Variants in WASF3 observed in about 807,000 individuals in gnomAD.
WASF3 encodes the protein actin-binding protein WASF3.
In WASF3, 11 loss-of-function variants were observed where a neutral mutation model predicts 46.6. The observed-to-expected ratio is 0.24, with a 90% CI of 0.15 to 0.39. WASF3 has a LOEUF of 0.39. Ranked by LOEUF, WASF3 falls within the 10% of genes least tolerant of loss-of-function variation. WASF3 has a pLI of 1.00. For synonymous variants in WASF3, 242 were observed against 259.7 expected, an observed-to-expected ratio of 0.93 and a Z score of 0.65; for missense variants, 576 against 669.8, an observed-to-expected ratio of 0.86 and a Z score of 1.55.
rs543548997 is a variant in WASF3, at chr13:26,583,059, GGGTCTTAGT to G, written c.-109+25243_-109+25251del. Reference sequence around the variant, plus strand: ...TGCTAAAGTGGTAATTTGAAGCCTAGGGTCTTAGTGGAAAGATAGCAATAGCCATGGTAA... The same window carrying G: ...TGCTAAAGTGGTAATTTGAAGCCTAGGGAAAGATAGCAATAGCCATGGTAA... On this transcript the variant is annotated intron_variant, in intron 1 of 9. Transcript: ENST00000335327. Among the ~76,000 whole-genome samples, 934 of 152,302 alleles carry G rather than the reference GGGTCTTAGT, an allele frequency of 6.1e-3. 7 individuals are homozygous for G. The highest frequency in any genetic ancestry group is 0.021 in the African/African-American group (879 of 41,566).
the WASF3 span, among the ~76,000 whole-genome samples, chr13:26,544,518 G>A: frequency 6.6e-6 from 1 of 152,222 alleles, no homozygotes; most frequent in African/African-American, 2.4e-5. Flanking sequence ...TATCAAAAGA[G>A]TTAAGTGAAT....
intron 6 of WASF3, among the ~76,000 whole-genome samples, chr13:26,675,272 T>C (rs1297467911): frequency 6.6e-6 from 1 of 152,166 alleles, no homozygotes; most frequent in African/African-American, 2.4e-5. Context: ...TTTCAGATCT[T>C]GGGCCATTCA....
intron 3 of WASF3, among the ~76,000 whole-genome samples, chr13:26,650,354 G>A (rs1882279061): frequency 6.6e-6 from 1 of 152,156 alleles, no homozygotes; most frequent in African/African-American, 2.4e-5. Flanking sequence ...AGCATTAAAG[G>A]CCTGTGTAGT....
chr13:26,686,789 A>G lies in WASF3; in HGVS notation c.*944A>G, dbSNP rs1883418992. The G allele has an allele frequency of 6.6e-6, 1 of 152,294 alleles. No individual in the cohort carries two copies. The highest frequency in any genetic ancestry group is 1.5e-5 in the Non-Finnish European group (1 of 68,064). 9.4% of individuals were successfully genotyped at this position (152,294 alleles called of 1,614,324 possible). A position where few individuals can be genotyped will look rare whatever the true frequency, so the allele number is the denominator to read the frequency against. ...ACCTGTGTCCTGAGTGAGCCGCAGG[A>G]GTTCTTAGCTCCTCAGCGAGCAACA... On this transcript the variant is annotated 3_prime_UTR_variant, in exon 10 of 10. Transcript: ENST00000335327.
In WASF3 at chr13:26,577,032, C is replaced by G. The variant is rs943269089; in HGVS notation, c.-109+19213C>G. On this transcript the variant is annotated intron_variant, in intron 1 of 9. Transcript: ENST00000335327. ...TAAGGAATATTGGAAAGATGCTAGT[C>G]ACCAGGACCCAAGGAAACAAAATTG... The G allele has an allele frequency of 6.9e-6, 5 of 720,466 alleles. No homozygotes were observed. The African/African-American group carries it at 8.6e-5, about 12-fold the overall frequency. 44.6% of individuals were successfully genotyped at this position (720,466 alleles called of 1,614,324 possible). A position where few individuals can be genotyped will look rare whatever the true frequency, so the allele number is the denominator to read the frequency against.
At chr13:26,622,036 C>A (rs1212703218) in intron 2 of WASF3, among the ~76,000 whole-genome samples, 4 of 152,122 alleles carry the variant, frequency 2.6e-5, no homozygotes, top group Non-Finnish European at 4.4e-5. Context: ...GAGGGCAAAA[C>A]TCATACATAC....
In WASF3 at chr13:26,660,194, G is replaced by GTTTTTTTT. The variant is rs71080285; in HGVS notation, c.134-4806_134-4799dup. Among the ~76,000 whole-genome samples the GTTTTTTTT allele has an allele frequency of 6.9e-4, 30 of 43,372 alleles. 1 individual carries two copies. Among genetic ancestry groups the GTTTTTTTT allele is most frequent in the African/African-American group, 2.1e-3 (28 of 13,446 alleles). 28.5% of individuals were successfully genotyped at this position (43,372 alleles called of 152,430 possible). On this transcript the variant is annotated intron_variant, in intron 3 of 9. Transcript: ENST00000335327. ...GTAATTAGCTTTTGTTTTTTGTTTG[G>GTTTTTTTT]TTTTTTTTTTTTTTTTTTTTTTTTT...
chr13:26,671,778 T>A, intron 5 of WASF3, 94 bp from the exon 6 acceptor site: 2 of 815,420 alleles, frequency 2.5e-6, no homozygotes, highest in Non-Finnish European at 3.9e-6. Flanking sequence ...GTAGATGTTA[T>A]AATTTCATGA....
chr13:26,582,241 C>G (rs945741386), intron 1 of WASF3, among the ~76,000 whole-genome samples: 1 of 152,250 alleles, frequency 6.6e-6, no homozygotes, highest in East Asian at 1.9e-4. Context: ...GCTCTGTTGC[C>G]TCTAAGACCT....
intron 3 of WASF3, among the ~76,000 whole-genome samples, chr13:26,643,953 C>T (rs760442536): frequency 1.7e-4 from 26 of 152,220 alleles, no homozygotes; most frequent in East Asian, 3.9e-4. Context: ...TGTTATGTTA[C>T]GTGTAAGAGG....
the WASF3 span, among the ~76,000 whole-genome samples, chr13:26,546,572 T>A: frequency 6.6e-6 from 1 of 151,474 alleles, no homozygotes; most frequent in Non-Finnish European, 1.5e-5. Flanking sequence ...TTAGGCTGGG[T>A]GGGGTGGCGG....
chr13:26,671,568 G>T (rs1882924950), intron 5 of WASF3, among the ~76,000 whole-genome samples: 2 of 151,988 alleles, frequency 1.3e-5, no homozygotes, highest in Admixed American at 6.6e-5. Context: ...AAGTGATTGA[G>T]ATATTATAAA....
chr13:26,542,739 T>A, the WASF3 span, among the ~76,000 whole-genome samples: 1 of 152,188 alleles, frequency 6.6e-6, no homozygotes, highest in South Asian at 2.1e-4. Context: ...CCTAACACAT[T>A]TTATCTGGGT....
At chr13:26,674,004 C>T (rs773073095) in intron 6 of WASF3, among the ~76,000 whole-genome samples, 15 of 152,132 alleles carry the variant, frequency 9.9e-5, no homozygotes, top group African/African-American at 3.6e-4. Context: ...GGCGTGCTTC[C>T]GAATTGAGGA....
At chr13:26,559,308 C>T (rs555092138) in intron 1 of WASF3, among the ~76,000 whole-genome samples, 1 of 152,326 alleles carries the variant, frequency 6.6e-6, no homozygotes, top group African/African-American at 2.4e-5. Context: ...TACCTTCCAA[C>T]CTGTGCTTAT....
At chr13:26,657,185 A>G (rs1167866191) in intron 3 of WASF3, among the ~76,000 whole-genome samples, 2 of 152,252 alleles carry the variant, frequency 1.3e-5, no homozygotes, top group African/African-American at 2.4e-5. Flanking sequence ...ACAAAACTTC[A>G]CAAAGTGCCT....
chr13:26,684,752 G>A lies in WASF3; in HGVS notation c.1352-936G>A, dbSNP rs962434166. Reference sequence around the variant, plus strand: ...GTCTGTCTGTGTAAAGATGATAGGGGAAGATTGGGAAATAAATGTGGTCAG... The same window carrying A: ...GTCTGTCTGTGTAAAGATGATAGGGAAAGATTGGGAAATAAATGTGGTCAG... On this transcript the variant is annotated intron_variant, in intron 9 of 9. Coordinates refer to ENST00000335327, the MANE Select transcript of WASF3 (RefSeq NM_006646.6). Among the ~76,000 whole-genome samples, 10 of 152,268 alleles carry A rather than the reference G, an allele frequency of 6.6e-5. No individual in the cohort carries two copies. In the South Asian group the frequency reaches 1.2e-3, roughly 19 times the overall value.
chr13:26,584,287 T>C (rs928891514), intron 1 of WASF3, among the ~76,000 whole-genome samples: 5 of 152,228 alleles, frequency 3.3e-5, no homozygotes, highest in African/African-American at 1.2e-4. Context: ...CTCAAGGTTA[T>C]GAAAATTCCT....
At chr13:26,606,846 G>A (rs1006486514) in intron 1 of WASF3, 1 of 152,040 alleles carries the variant, frequency 6.6e-6, no homozygotes, top group Non-Finnish European at 1.5e-5. Flanking sequence ...CCCCATATCC[G>A]AGGTTTCACT....
Sources: gnomAD v4.1 joint callset for allele counts (sites outside exome capture counted in the v4.1 genomes callset) on GRCh38, gnomAD v4.1.1 for gene constraint, MANE v1.5 for transcripts, NCBI Gene and HGNC (gene_info 2026-07-23, HGNC 2026-07-21) for gene names.